DST: variants seen among roughly 807,000 people sequenced by gnomAD.
DST encodes the protein dystonin.
In DST, 253 loss-of-function variants were observed where a neutral mutation model predicts 875.2. The observed-to-expected ratio is 0.29, with a 90% CI of 0.26 to 0.32. DST has a LOEUF of 0.32. Among genes scored for constraint, DST ranks in the 10% least tolerant of loss-of-function variants. The pLI is 1.00. For synonymous variants in DST, 3,124 were observed against 3,197.1 expected (o/e 0.98, Z 0.77); for missense variants, 8,287 against 9,111.6 (o/e 0.91, Z 3.68).
chr6:56,674,822 A>T (rs1304277615), intron 9 of DST, among the ~76,000 whole-genome samples: 1 of 152,240 alleles, frequency 6.6e-6, no homozygotes, highest in African/African-American at 2.4e-5. Context: ...ACACTGTTAA[A>T]ATGTCCATAC....
chr6:56,798,825 A>T (rs1590685422), intron 4 of DST, among the ~76,000 whole-genome samples: 1 of 152,216 alleles, frequency 6.6e-6, no homozygotes, highest in Admixed American at 6.5e-5. Flanking sequence ...CAAAATATCA[A>T]TATTAACAGG....
chr6:56,818,368 G>C (rs1425555675), intron 4 of DST, among the ~76,000 whole-genome samples: 1 of 152,092 alleles, frequency 6.6e-6, no homozygotes, highest in African/African-American at 2.4e-5. Context: ...GCTCAGCAAA[G>C]GAAACATGGG....
At chr6:56,889,645 G>T (rs912010867) in intron 3 of DST, among the ~76,000 whole-genome samples, 6 of 152,180 alleles carry the variant, frequency 3.9e-5, no homozygotes, top group African/African-American at 1.4e-4. Flanking sequence ...CAAAAAACTG[G>T]AATCAGTGAA....
At chr6:56,683,325 C>T (rs545187264) in intron 9 of DST, among the ~76,000 whole-genome samples, 62 of 152,274 alleles carry the variant, frequency 4.1e-4, no homozygotes, top group Non-Finnish European at 7.2e-4. Flanking sequence ...ACTAAGCCTC[C>T]GTGTCTGGAT....
intron 2 of DST, among the ~76,000 whole-genome samples, chr6:56,934,560 T>TATATATATATA (rs1554267212): frequency 3.8e-4 from 40 of 106,484 alleles, no homozygotes; most frequent in African/African-American, 1.3e-3. Flanking sequence ...ATATATTATA[T>TATATATATATA]TATATATATA....
At chr6:56,741,905 G>A (rs1006108097) in intron 4 of DST, among the ~76,000 whole-genome samples, 2 of 152,116 alleles carry the variant, frequency 1.3e-5, no homozygotes, top group African/African-American at 4.8e-5. Flanking sequence ...TGTAACAGCT[G>A]AAAATATGTA....
chr6:56,560,477 A>T, intron 57 of DST, 54 bp from the exon 58 acceptor site: 3 of 1,508,676 alleles, frequency 2.0e-6, no homozygotes, highest in Non-Finnish European at 2.7e-6. Flanking sequence ...ACAAAAATAC[A>T]ATAATGATAG....
At chr6:56,555,249 T>C in intron 60 of DST, 96 bp downstream of exon 60, 11 of 1,353,370 alleles carry the variant, frequency 8.1e-6, no homozygotes, top group Non-Finnish European at 1.0e-5. Context: ...GGGCAGAGTC[T>C]CTTTGGGGTC....
At position 56,604,206 on chromosome 6, in the gene DST, G is replaced by T; in HGVS notation, c.10422C>A (p.Asp3474Glu). 1 of 1,605,822 alleles carries T rather than the reference G, an allele frequency of 6.2e-7. No homozygotes were observed. Among genetic ancestry groups the T allele is most frequent in the South Asian group, 1.1e-5 (1 of 89,898 alleles). ...TAGACGTAATGCCTCTTTTCTCTAG[G>T]TCATACTCCATATGAGTTAATTCTC... is the stretch of plus-strand genomic sequence containing the variant. ...LMRELTHMEY[D>E]LEKRGITSKV... Residue 3474 changes from aspartate to glutamate, a missense_variant, in exon 40 of 104, where the codon GAC becomes GAA. Coordinates refer to ENST00000680361, the MANE Select transcript of DST (RefSeq NM_001374736.1).
At position 56,502,420 on chromosome 6, in the gene DST, A is replaced by G. The variant is rs76139617; in HGVS notation, c.19567-727T>C. On this transcript the variant is annotated intron_variant, in intron 78 of 103. Transcript: ENST00000680361. Reference sequence around the variant, plus strand: ...ATAATTTGAAAATAATAACAAAGGTATAGTAAGCACTTGGTATGTTCAAGT... The same window carrying G: ...ATAATTTGAAAATAATAACAAAGGTGTAGTAAGCACTTGGTATGTTCAAGT... 2.7e-3 allele frequency among the ~76,000 whole-genome samples: 415 copies of G among 152,290 alleles called. 2 individuals are homozygous for G. Among genetic ancestry groups the G allele is most frequent in the African/African-American group, 9.7e-3 (403 of 41,588 alleles).
chr6:56,555,723 G>C lies in DST; in HGVS notation c.14758C>G (p.Gln4920Glu), dbSNP rs779668392. 4 of 1,609,352 alleles carry C rather than the reference G, an allele frequency of 2.5e-6. No individual in the cohort carries two copies. The East Asian group carries it at 8.9e-5, about 36-fold the overall frequency. ...DPSLRGIVKE[Q>E]LAAVTQKWDS... ...CATTTTTGGGTCACAGCTGCCAGTT[G>C]CTCTTTCACAATCCCACGTAAAGAA... Residue 4920 changes from glutamine to glutamate, a missense_variant, in exon 60 of 104, where the codon CAA (glutamine) becomes GAA (glutamate). Transcript: ENST00000680361.
Position 56,485,541 on chromosome 6 carries a change from T to A in DST, c.21048-70A>T, listed in dbSNP as rs2273974. On this transcript the variant is annotated intron_variant, in intron 87 of 103. Coordinates refer to ENST00000680361, the MANE Select transcript of DST (RefSeq NM_001374736.1). Reference sequence around the variant, plus strand: ...CACTCATATATCTGAACATCTAAAATTAATTGATGAAGGTTGAGTGGTACT... The same window carrying A: ...CACTCATATATCTGAACATCTAAAAATAATTGATGAAGGTTGAGTGGTACT... 0.27 allele frequency: 391,827 copies of A among 1,450,492 alleles called. 54,508 individuals carry two copies. Among genetic ancestry groups the A allele is most frequent in the Middle Eastern group, 0.4 (2,153 of 5,448 alleles). The allele number at this position is 1,450,492 out of a possible 1,614,324, so 89.9% of individuals were successfully genotyped here.
chr6:56,555,196 T>G, intron 60 of DST, 149 bp downstream of exon 60: 1 of 831,724 alleles, frequency 1.2e-6, no homozygotes, highest in Non-Finnish European at 1.8e-6. Context: ...AACTGCTCTC[T>G]GAGCTCCTGT....
At position 56,616,922 on chromosome 6, in the gene DST, T is replaced by C. The variant is rs1300651917; in HGVS notation, c.4930-2438A>G. 2 of 1,609,074 alleles carry C rather than the reference T, an allele frequency of 1.2e-6. No individual in the cohort carries two copies. Among genetic ancestry groups the C allele is most frequent in the East Asian group, 4.5e-5 (2 of 44,820 alleles). On this transcript the variant is annotated intron_variant, in intron 36 of 103. Coordinates refer to ENST00000680361, the MANE Select transcript of DST (RefSeq NM_001374736.1). ...AGAATATGTCTGACCTGAAATGGGA[T>C]CAATTATAAAACCTGTTGCAGCCTG... is the stretch of plus-strand genomic sequence containing the variant.
chr6:56,827,249 C>T (rs367740748), intron 4 of DST, among the ~76,000 whole-genome samples: 10 of 152,140 alleles, frequency 6.6e-5, no homozygotes, highest in Admixed American at 3.3e-4. Flanking sequence ...GGCGCGGTGG[C>T]TCTCGCCTGT....
chr6:56,816,467 T>C (rs1466729931), intron 4 of DST, among the ~76,000 whole-genome samples: 1 of 152,144 alleles, frequency 6.6e-6, no homozygotes, highest in Admixed American at 6.6e-5. Flanking sequence ...AATAAAGAGA[T>C]TTAGAAGAGC....
chr6:56,596,777 A>T (rs2098393038), intron 47 of DST, among the ~76,000 whole-genome samples: 1 of 152,230 alleles, frequency 6.6e-6, no homozygotes, highest in South Asian at 2.1e-4. Context: ...ATATTGAAAT[A>T]AAATGAGTGA....
intron 3 of DST, among the ~76,000 whole-genome samples, chr6:56,880,837 C>CTTTTTTTT (rs765843469): frequency 5.2e-5 from 3 of 58,082 alleles, no homozygotes; most frequent in African/African-American, 7.4e-5. Flanking sequence ...TACTGTCTTT[C>CTTTTTTTT]TTTTTTTTTT....
At chr6:56,942,308 A>G (rs1342247336) in intron 2 of DST, among the ~76,000 whole-genome samples, 3 of 152,160 alleles carry the variant, frequency 2.0e-5, no homozygotes, top group Admixed American at 2.0e-4. Context: ...TGGCCCATTA[A>G]TATTTAATGT....
Sources: allele counts gnomAD v4.1 joint callset (sites outside exome capture counted in the v4.1 genomes callset), GRCh38; gene constraint gnomAD v4.1.1; transcripts MANE v1.5; gene names NCBI Gene and HGNC (gene_info 2026-07-23, HGNC 2026-07-21).